The following GRIN2B variants were observed in gnomAD, a reference collection of about 807,000 sequenced individuals.
GRIN2B encodes glutamate receptor ionotropic, NMDA 2B.
GRIN2B carries 5 observed loss-of-function variants against 114.5 expected under a neutral mutation model. The observed-to-expected ratio is 0.04, with a 90% CI of 0.02 to 0.09. The LOEUF (loss-of-function observed/expected upper bound fraction) is 0.09. Ranked by LOEUF, GRIN2B falls within the 10% of genes least tolerant of loss-of-function variation. The probability of loss-of-function intolerance (pLI) is 1.00; values close to 1 mark genes in which losing one functional copy is unlikely to be tolerated. For synonymous variants in GRIN2B, 787 were observed against 745.1 expected (o/e 1.06, Z -0.92); for missense variants, 1,108 against 1,943.5 (o/e 0.57, Z 8.08).
chr12:13,631,412 T>C (rs1949614848), intron 5 of GRIN2B, among the ~76,000 whole-genome samples: 1 of 152,132 alleles, frequency 6.6e-6, no homozygotes, highest in Non-Finnish European at 1.5e-5. Flanking sequence ...AATACCCTCA[T>C]ATAGGTTTGA....
At chr12:13,607,304 AT>A (rs1949275541) in intron 10 of GRIN2B, among the ~76,000 whole-genome samples, 6 of 75,286 alleles carry the variant, frequency 8.0e-5, no homozygotes, top group African/African-American at 3.3e-4. Flanking sequence ...AAAAATATAT[AT>A]TATATATAAT....
intron 5 of GRIN2B, among the ~76,000 whole-genome samples, chr12:13,645,043 C>T (rs117079500): frequency 0.026 from 4,000 of 152,194 alleles, 62 homozygotes; most frequent in South Asian, 0.05. Flanking sequence ...CTTCAATAAG[C>T]TTTCCTTTTC....
intron 2 of GRIN2B, among the ~76,000 whole-genome samples, chr12:13,939,543 CTTT>C (rs59671145): frequency 4.5e-5 from 4 of 88,044 alleles, no homozygotes; most frequent in African/African-American, 1.8e-4. Context: ...CTGCACCGTG[CTTT>C]TTTTTTTTTT....
Position 13,563,326 on chromosome 12 carries a change from G to A in GRIN2B, c.3912C>T (p.Tyr1304=), listed in dbSNP as rs1407009840. The A allele has an allele frequency of 2.5e-6, 4 of 1,614,196 alleles. No homozygotes were observed. Among genetic ancestry groups the A allele is most frequent in the Admixed American group, 1.7e-5 (1 of 60,026 alleles). The change falls in exon 14 of 14, where the codon TAC becomes TAT. Residue 1304 remains tyrosine, a synonymous_variant. Coordinates refer to ENST00000609686, the MANE Select transcript of GRIN2B (RefSeq NM_000834.5). Reference sequence around the variant, plus strand: ...CCTTCTGCAGGTCCACGAAGGTGTCGTAGGAGTGCTGCCGGCGCAGTTTGT... The same window carrying A: ...CCTTCTGCAGGTCCACGAAGGTGTCATAGGAGTGCTGCCGGCGCAGTTTGT... ...NRNKLRRQHS[Y]DTFVDLQKEE... is the part of the protein sequence containing the mutation.
At chr12:13,641,253 G>T (rs551165155) in intron 5 of GRIN2B, among the ~76,000 whole-genome samples, 57 of 151,910 alleles carry the variant, frequency 3.8e-4, no homozygotes, top group Non-Finnish European at 6.9e-4. Flanking sequence ...TGTATTTTTA[G>T]TAGAGATGGG....
Position 13,862,677 on chromosome 12 carries a change from A to C in GRIN2B, c.411+3121T>G, listed in dbSNP as rs909414605. Among the ~76,000 whole-genome samples the C allele has an allele frequency of 3.3e-5, 5 of 152,260 alleles. No homozygotes were observed. The East Asian group carries it at 9.6e-4, about 29-fold the overall frequency. On this transcript the variant is annotated intron_variant, in intron 3 of 13. Coordinates refer to ENST00000609686, the MANE Select transcript of GRIN2B (RefSeq NM_000834.5). ...AACTTCTATTAAAAAAACAAAACAA[A>C]ACAAAAAAAAAACCTGGCCTTAGTT...
chr12:13,633,820 C>A (rs1276064497), intron 5 of GRIN2B, among the ~76,000 whole-genome samples: 2 of 152,180 alleles, frequency 1.3e-5, no homozygotes, highest in African/African-American at 4.8e-5. Flanking sequence ...CATACCCAGT[C>A]AGTAACACCA....
At chr12:13,590,465 A>G (rs1948992754) in intron 10 of GRIN2B, among the ~76,000 whole-genome samples, 1 of 151,856 alleles carries the variant, frequency 6.6e-6, no homozygotes, top group Non-Finnish European at 1.5e-5. Context: ...CTTAATTCCT[A>G]CTTATGAATG....
intron 3 of GRIN2B, among the ~76,000 whole-genome samples, chr12:13,848,354 T>G (rs574649563): frequency 6.6e-6 from 1 of 152,128 alleles, no homozygotes; most frequent in Non-Finnish European, 1.5e-5. Context: ...TGGGGCCACG[T>G]GGAGGACAGA....
chr12:13,635,773 AG>A (rs11352671), intron 5 of GRIN2B, among the ~76,000 whole-genome samples: 3,619 of 152,288 alleles, frequency 0.024, 116 homozygotes, highest in African/African-American at 0.07. Flanking sequence ...ATGCTGAGAA[AG>A]GTATTTTATA....
chr12:13,610,741 G>C (rs1405822481), intron 9 of GRIN2B, among the ~76,000 whole-genome samples: 2 of 152,122 alleles, frequency 1.3e-5, no homozygotes, highest in African/African-American at 4.8e-5. Flanking sequence ...ATTGGTGTAG[G>C]GTGGGGCTGG....
At chr12:13,937,860 G>A (rs558679000) in intron 2 of GRIN2B, among the ~76,000 whole-genome samples, 14 of 152,022 alleles carry the variant, frequency 9.2e-5, no homozygotes, top group South Asian at 2.1e-4. Flanking sequence ...ATCCTCCTGC[G>A]AAGTTATTAC....
intron 5 of GRIN2B, among the ~76,000 whole-genome samples, chr12:13,674,010 G>C (rs1389278103): frequency 6.6e-6 from 1 of 152,016 alleles, no homozygotes; most frequent in Non-Finnish European, 1.5e-5. Context: ...GAAGCCCAGG[G>C]AACAACCATT....
intron 3 of GRIN2B, among the ~76,000 whole-genome samples, chr12:13,852,876 TA>T (rs1239685825): frequency 6.6e-6 from 1 of 151,892 alleles, no homozygotes; most frequent in Non-Finnish European, 1.5e-5. Context: ...CCAGAATGAA[TA>T]AAAAAACAGC....
At chr12:13,919,502 G>A (rs73293534) in intron 2 of GRIN2B, among the ~76,000 whole-genome samples, 1,750 of 152,212 alleles carry the variant, frequency 0.011, 32 homozygotes, top group African/African-American at 0.04. Context: ...ATAGTGGCCT[G>A]TATGACATGA....
chr12:13,970,685 A>AC (rs1176803286), intron 2 of GRIN2B, among the ~76,000 whole-genome samples: 1 of 85,040 alleles, frequency 1.2e-5, no homozygotes, highest in African/African-American at 4.2e-5. Flanking sequence ...TGCAGGCTCT[A>AC]AACACACACA....
At chr12:13,786,140 T>C (rs1379423558) in intron 3 of GRIN2B, among the ~76,000 whole-genome samples, 1 of 152,188 alleles carries the variant, frequency 6.6e-6, no homozygotes, top group Non-Finnish European at 1.5e-5. Context: ...GCCCACTTTT[T>C]CAGTAAAGAA....
chr12:13,969,654 T>C (rs541253887), intron 2 of GRIN2B, among the ~76,000 whole-genome samples: 5 of 152,360 alleles, frequency 3.3e-5, no homozygotes, highest in South Asian at 2.1e-4. Flanking sequence ...TTAAAGGATA[T>C]ACAAATTCTG....
intron 2 of GRIN2B, among the ~76,000 whole-genome samples, chr12:13,951,708 T>C (rs1378459501): frequency 6.6e-6 from 1 of 152,092 alleles, no homozygotes; most frequent in African/African-American, 2.4e-5. Flanking sequence ...GATTACCAAT[T>C]TATCTGTTCA....
Sources: allele counts gnomAD v4.1 joint callset (sites outside exome capture counted in the v4.1 genomes callset), GRCh38; gene constraint gnomAD v4.1.1; transcripts MANE v1.5; gene names NCBI Gene and HGNC (gene_info 2026-07-23, HGNC 2026-07-21).